PTPRG: variants seen among roughly 807,000 people sequenced by gnomAD.
PTPRG encodes receptor-type tyrosine-protein phosphatase gamma.
In PTPRG, 102 loss-of-function variants were observed where a neutral mutation model predicts 165.3. The observed-to-expected ratio is 0.62, with a 90% CI of 0.53 to 0.73. PTPRG has a LOEUF of 0.73. Ranked by LOEUF, PTPRG falls within the 30% of genes least tolerant of loss-of-function variation. The pLI is 0.00. For synonymous variants in PTPRG, 675 were observed against 669.5 expected, an observed-to-expected ratio of 1.01 and a Z score of -0.13; for missense variants, 1,866 against 1,861.4, an observed-to-expected ratio of 1.00 and a Z score of -0.05.
chr3:62,170,834 G>T (rs1005306662), intron 8 of PTPRG, among the ~76,000 whole-genome samples: 2 of 152,008 alleles, frequency 1.3e-5, no homozygotes, highest in East Asian at 1.9e-4. Flanking sequence ...CCCGTAATAC[G>T]TGCACAGCTT....
chr3:62,294,905 A>C lies in PTPRG; in HGVS notation c.*1598A>C, dbSNP rs1311845059. Reference sequence around the variant, plus strand: ...TAATGATGATCAGCACTGAGGTTCTATTTATCTTGATTTGGCTTTCATAAA... The same window carrying C: ...TAATGATGATCAGCACTGAGGTTCTCTTTATCTTGATTTGGCTTTCATAAA... On this transcript the variant is annotated 3_prime_UTR_variant, in exon 30 of 30. Transcript: ENST00000474889. 6.6e-6 allele frequency: 1 copy of C among 152,064 alleles called. No individual in the cohort carries two copies. Among genetic ancestry groups the C allele is most frequent in the African/African-American group, 2.4e-5 (1 of 41,416 alleles). The allele number at this position is 152,064 out of a possible 1,614,324, so 9.4% of individuals were successfully genotyped here.
chr3:61,600,942 A>G (rs905941513), intron 1 of PTPRG, among the ~76,000 whole-genome samples: 12 of 152,342 alleles, frequency 7.9e-5, no homozygotes, highest in African/African-American at 2.9e-4. Context: ...ATCTCAATGT[A>G]TAAAACAGAT....
At chr3:62,176,388 C>T (rs1371268538) in intron 8 of PTPRG, among the ~76,000 whole-genome samples, 3 of 152,132 alleles carry the variant, frequency 2.0e-5, no homozygotes, top group Non-Finnish European at 4.4e-5. Context: ...AGAGCTCAGA[C>T]GTGAACCAAG....
chr3:62,021,834 G>T (rs2041698340), intron 4 of PTPRG, among the ~76,000 whole-genome samples: 1 of 147,960 alleles, frequency 6.8e-6, no homozygotes, highest in South Asian at 2.1e-4. Context: ...TAAAATTTTG[G>T]CCATATAGGT....
At chr3:62,100,896 A>G (rs916124860) in intron 5 of PTPRG, among the ~76,000 whole-genome samples, 1 of 152,126 alleles carries the variant, frequency 6.6e-6, no homozygotes, top group African/African-American at 2.4e-5. Context: ...AAGTAGAACC[A>G]CGCTTCTTTT....
chr3:61,569,653 G>A (rs1367729763), intron 1 of PTPRG, among the ~76,000 whole-genome samples: 2 of 152,154 alleles, frequency 1.3e-5, no homozygotes, highest in African/African-American at 4.8e-5. Context: ...ATTTGGATAG[G>A]AGTGTATGGA....
At chr3:62,150,584 T>C (rs1200078847) in intron 6 of PTPRG, among the ~76,000 whole-genome samples, 2 of 152,142 alleles carry the variant, frequency 1.3e-5, no homozygotes, top group Non-Finnish European at 2.9e-5. Flanking sequence ...ATCCACTCCT[T>C]CCTTCCCTCC....
chr3:61,800,381 TAA>T (rs1191425294), intron 2 of PTPRG, among the ~76,000 whole-genome samples: 1 of 151,958 alleles, frequency 6.6e-6, no homozygotes, highest in Non-Finnish European at 1.5e-5. Flanking sequence ...TAGTAGAGGA[TAA>T]AGAGTTTTTA....
chr3:61,649,682 T>A (rs1702296614), intron 1 of PTPRG, among the ~76,000 whole-genome samples: 1 of 152,228 alleles, frequency 6.6e-6, no homozygotes, highest in Non-Finnish European at 1.5e-5. Context: ...TAAATCAGCA[T>A]AATATGACAA....
At chr3:61,852,853 G>A (rs1406064947) in intron 2 of PTPRG, among the ~76,000 whole-genome samples, 3 of 152,288 alleles carry the variant, frequency 2.0e-5, no homozygotes, top group Admixed American at 2.0e-4. Flanking sequence ...TGTTATCTCA[G>A]TAACGCGTAT....
At chr3:62,171,737 A>G (rs149261125) in intron 8 of PTPRG, among the ~76,000 whole-genome samples, 41 of 152,044 alleles carry the variant, frequency 2.7e-4, no homozygotes, top group African/African-American at 9.9e-4. Context: ...TTGAGATTTA[A>G]TTCACATACC....
At chr3:62,071,723 A>G (rs1340335229) in intron 4 of PTPRG, among the ~76,000 whole-genome samples, 1 of 152,200 alleles carries the variant, frequency 6.6e-6, no homozygotes, top group Non-Finnish European at 1.5e-5. Flanking sequence ...CTGAGATTTG[A>G]AAGACAATTT....
At chr3:62,225,835 G>T (rs1576156763) in intron 13 of PTPRG, among the ~76,000 whole-genome samples, 1 of 151,768 alleles carries the variant, frequency 6.6e-6, no homozygotes, top group East Asian at 1.9e-4. Context: ...TTGTATTTTT[G>T]GTAGAGACGG....
In PTPRG at chr3:62,132,520, C is replaced by T. The variant is rs904561632; in HGVS notation, c.616-82C>T. The T allele has an allele frequency of 2.0e-5, 22 of 1,102,378 alleles. No individual in the cohort carries two copies. The Admixed American group carries it at 2.9e-4, about 14-fold the overall frequency. 68.3% of individuals were successfully genotyped at this position (1,102,378 alleles called of 1,614,324 possible). A position where few individuals can be genotyped will look rare whatever the true frequency, so the allele number is the denominator to read the frequency against. On this transcript the variant is annotated intron_variant, in intron 5 of 29. Coordinates refer to ENST00000474889, the MANE Select transcript of PTPRG (RefSeq NM_002841.4). ...TTGCTAGATAACATTCTATTCTCCC[C>T]CTTCTCTTTAGAAGATTAAACTGAG...
chr3:61,900,376 C>T (rs2038467039), intron 2 of PTPRG, among the ~76,000 whole-genome samples: 1 of 152,174 alleles, frequency 6.6e-6, no homozygotes. Flanking sequence ...TTCTCCCCCT[C>T]CTTCCCAATC....
chr3:62,274,180 AC>A (rs1702160872), intron 23 of PTPRG, among the ~76,000 whole-genome samples: 1 of 152,162 alleles, frequency 6.6e-6, no homozygotes, highest in Non-Finnish European at 1.5e-5. Flanking sequence ...AATCTATCTT[AC>A]CTTAATTATT....
chr3:61,998,405 G>C (rs1358569364), intron 3 of PTPRG, among the ~76,000 whole-genome samples: 30 of 152,212 alleles, frequency 2.0e-4, no homozygotes, highest in Admixed American at 1.9e-3. Context: ...AATTGCTGCT[G>C]TGAGCATTCG....
At chr3:62,166,980 G>T (rs1705012904) in intron 7 of PTPRG, among the ~76,000 whole-genome samples, 2 of 152,034 alleles carry the variant, frequency 1.3e-5, no homozygotes, top group African/African-American at 4.8e-5. Context: ...ACCGCACCTG[G>T]CCCAAAGAAT....
chr3:61,804,656 C>G (rs1286124794), intron 2 of PTPRG, among the ~76,000 whole-genome samples: 1 of 146,366 alleles, frequency 6.8e-6, no homozygotes, highest in Non-Finnish European at 1.5e-5. Flanking sequence ...TTTACTTTTT[C>G]TTTTCCTGTG....
Sources: allele counts gnomAD v4.1 joint callset (sites outside exome capture counted in the v4.1 genomes callset), GRCh38; gene constraint gnomAD v4.1.1; transcripts MANE v1.5; gene names NCBI Gene and HGNC (gene_info 2026-07-23, HGNC 2026-07-21).